CD82: variants seen among roughly 807,000 people sequenced by gnomAD.
CD82 encodes CD82 molecule, also known as CD82 antigen.
In CD82, 36 loss-of-function variants were observed where a neutral mutation model predicts 37.4. The ratio of observed to expected loss-of-function variants is 0.96; its 90% CI spans 0.74 to 1.27. The LOEUF is 1.27. Ranked by LOEUF, CD82 falls within the 50% of genes most tolerant of loss-of-function variation. The pLI, the probability that CD82 is intolerant of heterozygous loss-of-function variation, is 0.00. For synonymous variants in CD82, 158 were observed against 137.4 expected (o/e 1.15, Z -1.05); for missense variants, 340 against 347.0 (o/e 0.98, Z 0.16).
chr11:44,571,472 T>C (rs906021390), intron 1 of CD82, among the ~76,000 whole-genome samples: 10 of 152,204 alleles, frequency 6.6e-5, no homozygotes, highest in African/African-American at 2.4e-4. Context: ...ATAGGGTTGT[T>C]TGAGAATGAT....
chr11:44,573,677 C>T (rs923881860), intron 1 of CD82, among the ~76,000 whole-genome samples: 3 of 152,230 alleles, frequency 2.0e-5, no homozygotes, highest in African/African-American at 7.2e-5. Context: ...GACGGTATGG[C>T]ATGGCACTGT....
intron 1 of CD82, among the ~76,000 whole-genome samples, chr11:44,578,041 A>G (rs1432780512): frequency 6.6e-6 from 1 of 152,062 alleles, no homozygotes. Context: ...AGAAAGAGAT[A>G]CTCTGTCTCC....
chr11:44,568,939 T>G (rs904016550), intron 1 of CD82, among the ~76,000 whole-genome samples: 2 of 152,240 alleles, frequency 1.3e-5, no homozygotes, highest in Non-Finnish European at 2.9e-5. Context: ...GGCCTTGGCC[T>G]TCTGCTCCAA....
chr11:44,602,076 C>G (rs1853316321), intron 4 of CD82, among the ~76,000 whole-genome samples: 1 of 152,162 alleles, frequency 6.6e-6, no homozygotes, highest in Non-Finnish European at 1.5e-5. Context: ...GGTGTAGTAA[C>G]TTGTTTAAGG....
intron 1 of CD82, among the ~76,000 whole-genome samples, chr11:44,586,809 C>A (rs1485592961): frequency 6.6e-6 from 1 of 152,330 alleles, no homozygotes; most frequent in African/African-American, 2.4e-5. Context: ...TCTAGACCTC[C>A]CTTTTCTCTC....
chr11:44,607,506 G>C (rs950146985), intron 6 of CD82, among the ~76,000 whole-genome samples: 2 of 152,150 alleles, frequency 1.3e-5, no homozygotes, highest in African/African-American at 4.8e-5. Context: ...CCAGTGAGCC[G>C]GTTTCTATGA....
At chr11:44,565,367 G>C (rs1590320391), upstream of CD82, among the ~76,000 whole-genome samples, 1 of 152,206 alleles carries the variant, frequency 6.6e-6, no homozygotes, top group Non-Finnish European at 1.5e-5. Flanking sequence ...GAGTGGACAG[G>C]GCTGGAGCGG....
At chr11:44,600,065 C>A in intron 3 of CD82, 93 bp from the exon 4 acceptor site, 1 of 1,296,304 alleles carries the variant, frequency 7.7e-7, no homozygotes, top group Non-Finnish European at 1.1e-6. Context: ...TGGCCCCCTG[C>A]CCTGCCCACC....
intron 7 of CD82, among the ~76,000 whole-genome samples, chr11:44,615,621 A>C (rs761759466): frequency 2.6e-5 from 4 of 152,178 alleles, no homozygotes; most frequent in Non-Finnish European, 4.4e-5. Context: ...GCATGGGGGC[A>C]GTTGTCAGCC....
intron 2 of CD82, among the ~76,000 whole-genome samples, chr11:44,590,610 C>CAAAAAAAAAAAAA (rs56665683): frequency 0.018 from 610 of 33,426 alleles, 123 homozygotes; most frequent in Non-Finnish European, 0.025. Flanking sequence ...GATTCTGTCT[C>CAAAAAAAAAAAAA]AAAAAAAAAA....
At chr11:44,596,903 T>C (rs149191312) in intron 3 of CD82, 72 of 456,082 alleles carry the variant, frequency 1.6e-4, no homozygotes, top group African/African-American at 1.1e-3. Context: ...AAATTGCAGT[T>C]GTTGGGGGTA....
intron 2 of CD82, among the ~76,000 whole-genome samples, chr11:44,590,973 T>C (rs1853137342): frequency 6.6e-6 from 1 of 152,248 alleles, no homozygotes; most frequent in South Asian, 2.1e-4. Flanking sequence ...GTGTGGAGAA[T>C]GTTCTTCACC....
intron 1 of CD82, among the ~76,000 whole-genome samples, chr11:44,566,543 G>A (rs1477888102): frequency 1.3e-5 from 2 of 152,228 alleles, no homozygotes; most frequent in African/African-American, 4.8e-5. Context: ...TAGCGGGGCA[G>A]CATAGTTCTG....
intron 6 of CD82, among the ~76,000 whole-genome samples, chr11:44,611,429 G>A (rs565321126): frequency 2.6e-5 from 4 of 152,232 alleles, no homozygotes; most frequent in Admixed American, 6.5e-5. Context: ...CCGGGTATGT[G>A]AGCATGGGTC....
At position 44,594,388 on chromosome 11, in the gene CD82, A is replaced by ACCAGCCCCAGCC. The variant is rs3837391; in HGVS notation, c.-20-238_-20-227dup. Among the ~76,000 whole-genome samples, 472 of 150,696 alleles carry ACCAGCCCCAGCC rather than the reference A, an allele frequency of 3.1e-3. 3 individuals carry two copies. Among genetic ancestry groups the ACCAGCCCCAGCC allele is most frequent in the African/African-American group, 0.011 (452 of 40,884 alleles). ...GGTCTCCCTCTGTCATTTTGCTCCC[A>ACCAGCCCCAGCC]CCAGCCCCAGCCCCAGCCCCAGCCC... On this transcript the variant is annotated intron_variant, in intron 2 of 9. Transcript: ENST00000227155.
intron 6 of CD82, among the ~76,000 whole-genome samples, chr11:44,612,736 G>T (rs1041107586): frequency 1.4e-5 from 2 of 144,562 alleles, no homozygotes; most frequent in Non-Finnish European, 3.0e-5. Flanking sequence ...GGGTTCAAGC[G>T]ATTCTTCTGT....
chr11:44,572,917 T>C (rs1029535902), intron 1 of CD82, among the ~76,000 whole-genome samples: 2 of 152,122 alleles, frequency 1.3e-5, no homozygotes, highest in African/African-American at 4.8e-5. Flanking sequence ...GAGTTACCCG[T>C]CCCGCCACAG....
chr11:44,571,265 C>T (rs535247118), intron 1 of CD82, among the ~76,000 whole-genome samples: 1 of 152,142 alleles, frequency 6.6e-6, no homozygotes, highest in Non-Finnish European at 1.5e-5. Context: ...GTTCCAGAAG[C>T]CTTCCTGAGT....
At chr11:44,571,758 A>G (rs986115580) in intron 1 of CD82, among the ~76,000 whole-genome samples, 6 of 152,112 alleles carry the variant, frequency 3.9e-5, no homozygotes, top group African/African-American at 1.4e-4. Flanking sequence ...TATTTTTAGT[A>G]GAGATAGGAT....
Sources: allele counts gnomAD v4.1 joint callset (sites outside exome capture counted in the v4.1 genomes callset), GRCh38; gene constraint gnomAD v4.1.1; transcripts MANE v1.5; gene names NCBI Gene and HGNC (gene_info 2026-07-23, HGNC 2026-07-21).